Variants in ST8SIA5 observed in about 807,000 individuals in gnomAD.
The protein encoded by ST8SIA5 is ST8 alpha-N-acetyl-neuraminide alpha-2,8-sialyltransferase 5, also known as alpha-2,8-sialyltransferase 8E.
Under a neutral mutation model 40.2 loss-of-function variants are expected in ST8SIA5, and 24 were observed. The observed-to-expected ratio is 0.60, with a 90% CI of 0.43 to 0.84. The LOEUF is 0.84. ST8SIA5 is among the 40% of genes least tolerant of loss of function. The pLI, the probability that ST8SIA5 is intolerant of heterozygous loss-of-function variation, is 0.00. For missense variants in ST8SIA5, 465 were observed against 498.5 expected (o/e 0.93, Z 0.64); for synonymous variants, 198 against 201.8 (o/e 0.98, Z 0.16).
intron 1 of ST8SIA5, among the ~76,000 whole-genome samples, chr18:46,719,665 T>G (rs1196136216): frequency 6.6e-6 from 1 of 152,082 alleles, no homozygotes; most frequent in African/African-American, 2.4e-5. Context: ...CCTTTCTATC[T>G]TTCTCTTTCT....
At chr18:46,715,726 T>G (rs1283219562) in intron 1 of ST8SIA5, among the ~76,000 whole-genome samples, 1 of 152,010 alleles carries the variant, frequency 6.6e-6, no homozygotes, top group East Asian at 1.9e-4. Flanking sequence ...ACTACAAGCA[T>G]GCACCACCAT....
At chr18:46,682,375 G>A (rs2039406175) in intron 5 of ST8SIA5, among the ~76,000 whole-genome samples, 1 of 152,218 alleles carries the variant, frequency 6.6e-6, no homozygotes, top group Non-Finnish European at 1.5e-5. Flanking sequence ...TAGAGGACAG[G>A]TGGCTGGGGA....
At chr18:46,719,708 C>CTTTCTTTCTTTCTTTCTTTCTT (rs1414533642) in intron 1 of ST8SIA5, among the ~76,000 whole-genome samples, 62 of 10,632 alleles carry the variant, frequency 5.8e-3, no homozygotes, top group East Asian at 9.8e-3. Flanking sequence ...CTTTCTTTCT[C>CTTTCTTTCTTTCTTTCTTTCTT]TCTTTCTTTC....
intron 1 of ST8SIA5, among the ~76,000 whole-genome samples, chr18:46,721,695 G>C (rs2039865283): frequency 6.6e-6 from 1 of 152,118 alleles, no homozygotes; most frequent in South Asian, 2.1e-4. Flanking sequence ...ATCTGTACCA[G>C]CAGGGCTGAG....
chr18:46,680,817 G>A (rs991383798), intron 6 of ST8SIA5, among the ~76,000 whole-genome samples: 1 of 152,206 alleles, frequency 6.6e-6, no homozygotes, highest in Non-Finnish European at 1.5e-5. Flanking sequence ...GCTCAGAAGG[G>A]AAGTGGCTGC....
Position 46,680,400 on chromosome 18 carries a change from G to T in ST8SIA5, c.773C>A (p.Ser258Tyr). ...AFYNTRNTDV[S>Y]IRVKYVLDDF... Reference sequence around the variant, plus strand: ...GTCCAGCACGTACTTGACGCGGATGGACACGTCGGTGTTGCGCGTGTTGTA... The same window carrying T: ...GTCCAGCACGTACTTGACGCGGATGTACACGTCGGTGTTGCGCGTGTTGTA... Residue 258 changes from serine to tyrosine, a missense_variant, in exon 7 of 7, where the codon TCC becomes TAC. Coordinates refer to ENST00000315087, the MANE Select transcript of ST8SIA5 (RefSeq NM_013305.6). The T allele has an allele frequency of 6.2e-7, 1 of 1,613,816 alleles. No individual in the cohort carries two copies. Among genetic ancestry groups the T allele is most frequent in the Non-Finnish European group, 8.5e-7 (1 of 1,179,854 alleles).
At chr18:46,692,020 C>T (rs1307699714) in intron 3 of ST8SIA5, 149 bp downstream of exon 3, 3 of 737,196 alleles carry the variant, frequency 4.1e-6, no homozygotes, top group Non-Finnish European at 4.7e-6. Context: ...TCAGATCTCC[C>T]CCACTGCCCG....
intron 1 of ST8SIA5, among the ~76,000 whole-genome samples, chr18:46,713,447 G>C (rs952669429): frequency 6.6e-6 from 1 of 152,164 alleles, no homozygotes; most frequent in Non-Finnish European, 1.5e-5. Flanking sequence ...GATGCACATG[G>C]CTGAGGCCCA....
At chr18:46,721,348 G>A (rs982715450) in intron 1 of ST8SIA5, 21 of 1,535,562 alleles carry the variant, frequency 1.4e-5, no homozygotes, top group Non-Finnish European at 1.7e-5. Context: ...CTGGCCTTTT[G>A]CCGGGGTCTG....
At chr18:46,750,067 G>A (rs1320439964) in intron 1 of ST8SIA5, among the ~76,000 whole-genome samples, 1 of 152,088 alleles carries the variant, frequency 6.6e-6, no homozygotes. Context: ...CCAAATCTAT[G>A]GTAATTTGTT....
chr18:46,669,231 A>C lies in ST8SIA5; in HGVS notation c.*10811T>G, dbSNP rs1195656205. On this transcript the variant is annotated 3_prime_UTR_variant, in exon 7 of 7. Coordinates refer to ENST00000315087, the MANE Select transcript of ST8SIA5 (RefSeq NM_013305.6). ...CCTAACAACTTCAGAGGGGAGAAAAAGGTGCCCTAGAGGGCTAGAGCGGGA... is the reference window on the plus strand; with the variant it reads ...CCTAACAACTTCAGAGGGGAGAAAACGGTGCCCTAGAGGGCTAGAGCGGGA... 2 of 152,326 alleles carry C rather than the reference A, an allele frequency of 1.3e-5. No homozygotes were observed. The highest frequency in any genetic ancestry group is 4.8e-5 in the African/African-American group (2 of 41,466). The allele number at this position is 152,326 out of a possible 1,614,324, so 9.4% of individuals were successfully genotyped here. A position where few individuals can be genotyped will look rare whatever the true frequency, so the allele number is the denominator to read the frequency against.
rs1181647488 is a variant in ST8SIA5, at chr18:46,675,049, CT to C, written c.*4992del. The C allele has an allele frequency of 6.6e-6, 1 of 152,112 alleles. No individual in the cohort carries two copies. The highest frequency in any genetic ancestry group is 1.5e-5 in the Non-Finnish European group (1 of 68,044). 9.4% of individuals were successfully genotyped at this position (152,112 alleles called of 1,614,324 possible). A position where few individuals can be genotyped will look rare whatever the true frequency, so the allele number is the denominator to read the frequency against. On this transcript the variant is annotated 3_prime_UTR_variant, in exon 7 of 7. Coordinates refer to ENST00000315087, the MANE Select transcript of ST8SIA5 (RefSeq NM_013305.6). ...CAAAAGGTATTTTTGGAAGGTTATT[CT>C]CTGAAAGCAAAAAGATCCATCAGAT...
intron 1 of ST8SIA5, among the ~76,000 whole-genome samples, chr18:46,740,217 C>T (rs373421831): frequency 6.6e-6 from 1 of 152,094 alleles, no homozygotes; most frequent in Non-Finnish European, 1.5e-5. Context: ...TAGATGCATT[C>T]GTCAGCCAAT....
rs201274561 is a variant in ST8SIA5 at position 46,725,051 on chromosome 18, AAG to A, written c.132-20389_132-20388del. On this transcript the variant is annotated intron_variant, in intron 1 of 6. Transcript: ENST00000315087. ...AGGAAGGAAGGAAGGAAGGAAGGAA[AAG>A]AGAGAAAGAAAGGAAGGAAGAAAGA... Among the ~76,000 whole-genome samples the A allele has an allele frequency of 2.5e-3, 342 of 134,798 alleles. 4 individuals are homozygous for A. The highest frequency in any genetic ancestry group is 9.1e-3 in the African/African-American group (326 of 36,018). The allele number at this position is 134,798 out of a possible 152,430, so 88.4% of individuals were successfully genotyped here.
chr18:46,716,089 T>TAGATAGATAGATAGAC (rs762352328), intron 1 of ST8SIA5, among the ~76,000 whole-genome samples: 1 of 111,288 alleles, frequency 9.0e-6, no homozygotes, highest in Non-Finnish European at 1.7e-5. Flanking sequence ...TCACACAGGA[T>TAGATAGATAGATAGAC]AGATAGATAG....
At chr18:46,729,095 G>A (rs550592281) in intron 1 of ST8SIA5, among the ~76,000 whole-genome samples, 30 of 152,084 alleles carry the variant, frequency 2.0e-4, no homozygotes, top group South Asian at 1.0e-3. Context: ...AACCTCCAAC[G>A]TCCAGCTCAA....
chr18:46,711,795 C>T (rs913583568), intron 1 of ST8SIA5, among the ~76,000 whole-genome samples: 1 of 152,346 alleles, frequency 6.6e-6, no homozygotes, highest in South Asian at 2.1e-4. Context: ...TGGAGAGCCC[C>T]GGCTCCAACC....
chr18:46,687,552 A>G (rs977138327), intron 4 of ST8SIA5, among the ~76,000 whole-genome samples: 3 of 152,154 alleles, frequency 2.0e-5, no homozygotes, highest in African/African-American at 7.2e-5. Flanking sequence ...CTCATGTTCC[A>G]GGCCTTGTAA....
At chr18:46,725,970 A>ATATAT (rs58550909) in intron 1 of ST8SIA5, among the ~76,000 whole-genome samples, 26 of 31,744 alleles carry the variant, frequency 8.2e-4, no homozygotes, top group South Asian at 1.5e-3. Flanking sequence ...AAAAAAAAAA[A>ATATAT]AAATATATAT....
Sources: gnomAD v4.1 joint callset for allele counts (sites outside exome capture counted in the v4.1 genomes callset) on GRCh38, gnomAD v4.1.1 for gene constraint, MANE v1.5 for transcripts, NCBI Gene and HGNC (gene_info 2026-07-23, HGNC 2026-07-21) for gene names.